FABP7: variants seen among roughly 807,000 people sequenced by gnomAD.
FABP7 encodes fatty acid-binding protein, brain.
A neutral mutation model predicts 14.2 loss-of-function variants in FABP7; 13 were observed. That is an observed-to-expected ratio of 0.91 (90% CI 0.59 to 1.45). The LOEUF (loss-of-function observed/expected upper bound fraction) is 1.45, where lower values mean the gene tolerates loss of function less well. Among genes scored for constraint, FABP7 ranks in the 40% most tolerant of loss-of-function variants. The pLI is 0.00. For synonymous variants in FABP7, 49 were observed against 51.4 expected, an observed-to-expected ratio of 0.95 and a Z score of 0.20; for missense variants, 149 against 157.6, an observed-to-expected ratio of 0.95 and a Z score of 0.29.
chr6:122,771,822 A>G, the FABP7 span, among the ~76,000 whole-genome samples: 2 of 152,222 alleles, frequency 1.3e-5, no homozygotes, highest in Admixed American at 6.5e-5. Context: ...AGAAAAGATC[A>G]TATGAACTAT....
chr6:122,771,643 C>T, the FABP7 span, among the ~76,000 whole-genome samples: 1 of 152,082 alleles, frequency 6.6e-6, no homozygotes, highest in Admixed American at 6.6e-5. Context: ...TGCATTTGAA[C>T]GCTTATTAAA....
At chr6:122,783,407 A>G (rs1780843408) in intron 3 of FABP7, 23 of 984,896 alleles carry the variant, frequency 2.3e-5, no homozygotes, top group Non-Finnish European at 2.7e-5. Flanking sequence ...CAGATAGTTG[A>G]GAAAACAACG....
At chr6:122,774,831 C>T (rs551606511), upstream of FABP7, among the ~76,000 whole-genome samples, 23 of 146,696 alleles carry the variant, frequency 1.6e-4, no homozygotes, top group African/African-American at 5.3e-4. Context: ...ACTAAATCAA[C>T]GTACAAAAAT....
the FABP7 span, among the ~76,000 whole-genome samples, chr6:122,755,358 CTATTA>C: frequency 1.3e-5 from 2 of 151,436 alleles, no homozygotes; most frequent in South Asian, 2.1e-4. Flanking sequence ...ATAGTATGAA[CTATTA>C]TATTATAAAA....
chr6:122,769,139 T>C, the FABP7 span, among the ~76,000 whole-genome samples: 20,199 of 152,010 alleles, frequency 0.13, 2,159 homozygotes, highest in East Asian at 0.51. Flanking sequence ...ACATTCTCCA[T>C]TGGTAGCAGC....
chr6:122,779,050 C>T (rs1780719483), upstream of FABP7, among the ~76,000 whole-genome samples: 2 of 152,262 alleles, frequency 1.3e-5, no homozygotes, highest in Admixed American at 1.3e-4. Flanking sequence ...ACAACGGGAT[C>T]TTTAAATTCT....
At chr6:122,779,902 A>G in intron 1 of FABP7, 35 bp downstream of exon 1, 1 of 1,592,494 alleles carries the variant, frequency 6.3e-7, no homozygotes. Flanking sequence ...TCTCTTCTCA[A>G]CGTGCAGCTT....
chr6:122,765,834 C>CT, the FABP7 span, among the ~76,000 whole-genome samples: 9 of 151,756 alleles, frequency 5.9e-5, no homozygotes, highest in Non-Finnish European at 1.0e-4. Flanking sequence ...GCCAAAGAGA[C>CT]TTTTTTTTCT....
the FABP7 span, among the ~76,000 whole-genome samples, chr6:122,773,951 T>C: frequency 4.1e-3 from 630 of 151,984 alleles, 8 homozygotes; most frequent in African/African-American, 0.014. Context: ...AGTTAATAAA[T>C]AAAGGTAACA....
At chr6:122,755,114 C>G in the FABP7 span, among the ~76,000 whole-genome samples, 1 of 152,146 alleles carries the variant, frequency 6.6e-6, no homozygotes, top group African/African-American at 2.4e-5. Context: ...TGTGTCCTCT[C>G]TCTCTCACTT....
chr6:122,762,271 G>C, the FABP7 span, among the ~76,000 whole-genome samples: 1 of 152,022 alleles, frequency 6.6e-6, no homozygotes, highest in East Asian at 1.9e-4. Flanking sequence ...ATCATATAAA[G>C]AGAACCAATG....
chr6:122,783,881 G>A lies in FABP7; in HGVS notation c.*114G>A. The A allele has an allele frequency of 1.2e-6, 1 of 841,178 alleles. No individual in the cohort carries two copies. Among genetic ancestry groups the A allele is most frequent in the Non-Finnish European group, 1.8e-6 (1 of 544,262 alleles). The allele number at this position is 841,178 out of a possible 1,614,324, so 52.1% of individuals were successfully genotyped here. A position where few individuals can be genotyped will look rare whatever the true frequency, so the allele number is the denominator to read the frequency against. On this transcript the variant is annotated 3_prime_UTR_variant, in exon 4 of 4. Coordinates refer to ENST00000368444, the MANE Select transcript of FABP7 (RefSeq NM_001446.5). ...TTAATTAGAAGGTTATCCTTGGTGTGGAGGTGGAAAATGGTGATTTAAAAA... is the reference window on the plus strand; with the variant it reads ...TTAATTAGAAGGTTATCCTTGGTGTAGAGGTGGAAAATGGTGATTTAAAAA...
the FABP7 span, among the ~76,000 whole-genome samples, chr6:122,750,092 T>A: frequency 1.3e-5 from 2 of 152,188 alleles, no homozygotes; most frequent in Non-Finnish European, 2.9e-5. Context: ...TGTAAATTTT[T>A]AAAAATTAAA....
At chr6:122,780,626 T>G in intron 2 of FABP7, 163 bp downstream of exon 2, 1 of 717,620 alleles carries the variant, frequency 1.4e-6, no homozygotes, top group East Asian at 2.7e-5. Context: ...ATATGTTATA[T>G]TTTGAACAAT....
the FABP7 span, among the ~76,000 whole-genome samples, chr6:122,750,954 AT>A: frequency 6.6e-6 from 1 of 152,170 alleles, no homozygotes; most frequent in East Asian, 1.9e-4. Flanking sequence ...TTATGCTGTT[AT>A]TTTCAGTCTT....
the FABP7 span, among the ~76,000 whole-genome samples, chr6:122,750,562 T>G: frequency 3.2e-4 from 48 of 152,358 alleles, no homozygotes; most frequent in East Asian, 8.3e-3. Context: ...GAAACCATAG[T>G]GTTTGTTACC....
the FABP7 span, among the ~76,000 whole-genome samples, chr6:122,768,233 T>C: frequency 4.6e-5 from 7 of 152,174 alleles, no homozygotes; most frequent in Non-Finnish European, 1.0e-4. Flanking sequence ...GGGGAATATG[T>C]TGATCCACTG....
chr6:122,756,080 T>C, the FABP7 span, among the ~76,000 whole-genome samples: 7 of 152,122 alleles, frequency 4.6e-5, no homozygotes, highest in African/African-American at 1.7e-4. Flanking sequence ...GCTCCCCCCT[T>C]TCCCCTCCTC....
chr6:122,763,672 G>A, the FABP7 span, among the ~76,000 whole-genome samples: 118,346 of 152,116 alleles, frequency 0.78, 48,712 homozygotes, highest in Non-Finnish European at 0.9. Flanking sequence ...GAATCTACAA[G>A]GAATGTAAAC....
Sources: allele counts gnomAD v4.1 joint callset (sites outside exome capture counted in the v4.1 genomes callset), GRCh38; gene constraint gnomAD v4.1.1; transcripts MANE v1.5; gene names NCBI Gene and HGNC (gene_info 2026-07-23, HGNC 2026-07-21).